The following RC3H2 variants were observed in gnomAD, a reference collection of about 807,000 sequenced individuals.
RC3H2 encodes the protein ring finger and CCCH-type domains 2, also known as roquin-2.
In RC3H2, 31 loss-of-function variants were observed where a neutral mutation model predicts 133.3. That is an observed-to-expected ratio of 0.23 (90% CI 0.17 to 0.31). RC3H2 has a LOEUF of 0.31. Among genes scored for constraint, RC3H2 ranks in the 10% least tolerant of loss-of-function variants. RC3H2 has a pLI of 1.00. For missense variants in RC3H2, 1,175 were observed against 1,437.2 expected (o/e 0.82, Z 2.95); for synonymous variants, 517 against 502.2 (o/e 1.03, Z -0.40).
intron 2 of RC3H2, among the ~76,000 whole-genome samples, 156 bp from the exon 3 acceptor site, chr9:122,893,182 G>C (rs993871353): frequency 1.2e-4 from 19 of 152,134 alleles, no homozygotes; most frequent in African/African-American, 4.3e-4. Flanking sequence ...CAAACACCTA[G>C]CCAAACTGCT....
At position 122,890,300 on chromosome 9, in the gene RC3H2, AAC is replaced by A. The variant is rs1187248771; in HGVS notation, c.583+10_583+11del. 4.4e-6 allele frequency: 7 copies of A among 1,603,524 alleles called. No individual in the cohort carries two copies. In the Middle Eastern group the frequency reaches 5.0e-4, roughly 114 times the overall value. ...TAGCTAATAAAAAAGGTAAGATAGT[AAC>A]CTATCTTACCTGGCCCTAAAAACTG... On this transcript the variant is annotated intron_variant, in intron 4 of 20. Coordinates refer to ENST00000357244, the MANE Select transcript of RC3H2 (RefSeq NM_001100588.3).
Position 122,851,229 on chromosome 9 carries a change from C to G in RC3H2, c.3232G>C (p.Glu1078Gln). 6.2e-7 allele frequency: 1 copy of G among 1,613,944 alleles called. No individual in the cohort carries two copies. Among genetic ancestry groups the G allele is most frequent in the Non-Finnish European group, 8.5e-7 (1 of 1,179,888 alleles). Residue 1078 changes from glutamate to glutamine, a missense_variant and splice_region_variant, in exon 20 of 21, where the codon GAG (glutamate) becomes CAG (glutamine). Transcript: ENST00000357244. ...EPDGQSEPIE[E>Q]ILDIQLGISS... ...ATACCAAGCTGTATGTCCAAGATCT[C>G]CTAAGAAAATAAAATGTTAATCCTT...
intron 5 of RC3H2, among the ~76,000 whole-genome samples, chr9:122,882,900 T>C (rs1333274181): frequency 1.3e-5 from 2 of 152,252 alleles, no homozygotes; most frequent in Non-Finnish European, 2.9e-5. Flanking sequence ...TTCAAGACAC[T>C]AAATGTAAAG....
At chr9:122,852,299 G>T (rs1200775879) in intron 18 of RC3H2, among the ~76,000 whole-genome samples, 4 of 148,626 alleles carry the variant, frequency 2.7e-5, no homozygotes, top group Non-Finnish European at 6.0e-5. Context: ...CTCTCCGCCC[G>T]GCAGCCGCCC....
At chr9:122,851,921 C>T (rs1187521328) in intron 18 of RC3H2, among the ~76,000 whole-genome samples, 5 of 152,108 alleles carry the variant, frequency 3.3e-5, no homozygotes, top group East Asian at 1.9e-4. Flanking sequence ...GCCGCCACCC[C>T]GTCTGGGAAG....
intron 1 of RC3H2, among the ~76,000 whole-genome samples, chr9:122,901,244 T>C (rs1043220593): frequency 1.3e-5 from 2 of 152,218 alleles, no homozygotes; most frequent in African/African-American, 4.8e-5. Context: ...TGTTAACCTA[T>C]GTGAGGAATA....
intron 1 of RC3H2, among the ~76,000 whole-genome samples, chr9:122,903,903 TA>T (rs1179781648): frequency 6.6e-6 from 1 of 152,230 alleles, no homozygotes; most frequent in Admixed American, 6.5e-5. Flanking sequence ...AAAGGTTTTT[TA>T]AAAAGGAGAA....
Position 122,880,077 on chromosome 9 carries a change from C to G in RC3H2, c.1009G>C (p.Val337Leu). The change falls in exon 7 of 21, where the codon GTT (valine) becomes CTT (leucine). Residue 337 changes from valine to leucine, a missense_variant. Physicochemically the swap from Val to Leu is conservative, Grantham distance 32. This residue lies in a region of RC3H2 where 131 missense variants were observed against 154.2 expected (regional missense o/e 0.85). Transcript: ENST00000357244. ...FAKSVQELTI[V>L]LQRTGDPANL... ...GCTGGGTCACCTGTTCGTTGCAAAA[C>G]AATTGTCAATTCCTGGACACTCTTT... 6.2e-7 allele frequency: 1 copy of G among 1,614,120 alleles called. No homozygotes were observed. The highest frequency in any genetic ancestry group is 8.5e-7 in the Non-Finnish European group (1 of 1,179,976).
chr9:122,853,973 T>G lies in RC3H2; in HGVS notation c.3096A>C (p.Glu1032Asp), dbSNP rs1396122054. 3.1e-6 allele frequency: 5 copies of G among 1,614,222 alleles called. No homozygotes were observed. Among genetic ancestry groups the G allele is most frequent in the Non-Finnish European group, 3.4e-6 (4 of 1,180,024 alleles). The change falls in exon 18 of 21, where the codon GAA becomes GAC. Residue 1032 changes from glutamate (E) to aspartate (D), a missense_variant. Glu to Asp is a conservative substitution (Grantham distance 45). Coordinates refer to ENST00000357244, the MANE Select transcript of RC3H2 (RefSeq NM_001100588.3). ...RHLTLNLLSK[E>D]IELRNGELQS... Reference sequence around the variant, plus strand: ...TTACCTCTCCATTTCTTAGTTCAATTTCCTTGCTTAAAAGGTTTAAGGTAA... The same window carrying G: ...TTACCTCTCCATTTCTTAGTTCAATGTCCTTGCTTAAAAGGTTTAAGGTAA...
intron 9 of RC3H2, among the ~76,000 whole-genome samples, chr9:122,872,503 T>G (rs1831142464): frequency 6.6e-6 from 1 of 152,234 alleles, no homozygotes; most frequent in Non-Finnish European, 1.5e-5. Flanking sequence ...ATCCAAATTC[T>G]TTGCTATGGC....
At chr9:122,889,715 C>T (rs1305465430) in intron 4 of RC3H2, among the ~76,000 whole-genome samples, 1 of 152,102 alleles carries the variant, frequency 6.6e-6, no homozygotes, top group East Asian at 1.9e-4. Context: ...CAATCTTAGG[C>T]CTCTAACTTG....
In RC3H2 at chr9:122,847,506, G is replaced by A. The variant is rs1162528491; in HGVS notation, c.*2121C>T. 1 of 152,068 alleles carries A rather than the reference G, an allele frequency of 6.6e-6. No individual in the cohort carries two copies. Among genetic ancestry groups the A allele is most frequent in the Non-Finnish European group, 1.5e-5 (1 of 67,954 alleles). 9.4% of individuals were successfully genotyped at this position (152,068 alleles called of 1,614,324 possible). A position where few individuals can be genotyped will look rare whatever the true frequency, so the allele number is the denominator to read the frequency against. ...ATCCATGAAATAGACAGACTGGTTT[G>A]CATATCCTTTTTGGAATTACAAACA... On this transcript the variant is annotated 3_prime_UTR_variant, in exon 21 of 21. Coordinates refer to ENST00000357244, the MANE Select transcript of RC3H2 (RefSeq NM_001100588.3).
chr9:122,893,460 C>T (rs1475608126), intron 2 of RC3H2, among the ~76,000 whole-genome samples: 1 of 152,184 alleles, frequency 6.6e-6, no homozygotes, highest in African/African-American at 2.4e-5. Flanking sequence ...CACCAGTGCA[C>T]TCCAGTCTGG....
chr9:122,868,091 G>A (rs1428397387), intron 9 of RC3H2, among the ~76,000 whole-genome samples: 2 of 136,486 alleles, frequency 1.5e-5, no homozygotes, highest in Non-Finnish European at 3.2e-5. Context: ...ACCCCGCCCG[G>A]CCAGCCACCC....
At chr9:122,895,962 C>T (rs1832396333) in intron 2 of RC3H2, among the ~76,000 whole-genome samples, 1 of 151,806 alleles carries the variant, frequency 6.6e-6, no homozygotes, top group Admixed American at 6.6e-5. Context: ...TAATTACAAA[C>T]ATGAATTCTA....
chr9:122,886,985 A>AC (rs1831945610), intron 4 of RC3H2, among the ~76,000 whole-genome samples: 1 of 152,214 alleles, frequency 6.6e-6, no homozygotes, highest in African/African-American at 2.4e-5. Context: ...ATAAAAGTAG[A>AC]TTTTTAAAAT....
chr9:122,892,048 T>G (rs1832199380), intron 3 of RC3H2, among the ~76,000 whole-genome samples: 2 of 152,184 alleles, frequency 1.3e-5, no homozygotes, highest in Non-Finnish European at 2.9e-5. Context: ...TAATATTCTG[T>G]TACAGCACTA....
chr9:122,898,134 AATCAACATATAAG>A (rs1361365046), intron 1 of RC3H2: 4 of 152,360 alleles, frequency 2.6e-5, no homozygotes, highest in Non-Finnish European at 5.9e-5. Flanking sequence ...AGGCACTGAA[AATCAACATATAAG>A]AGAAGACTGT....
chr9:122,899,090 G>GTTTTTT (rs1183512993), intron 1 of RC3H2, among the ~76,000 whole-genome samples: 4 of 88,386 alleles, frequency 4.5e-5, no homozygotes, highest in African/African-American at 1.9e-4. Flanking sequence ...CCTTTATTGT[G>GTTTTTT]TTTTTTTTTT....
Sources: gnomAD v4.1 joint callset for allele counts (sites outside exome capture counted in the v4.1 genomes callset) on GRCh38, gnomAD v4.1.1 for gene constraint, gnomAD v4.1.1 regional missense constraint, MANE v1.5 for transcripts, NCBI Gene and HGNC (gene_info 2026-07-23, HGNC 2026-07-21) for gene names.